Variants in PTGFR observed in about 807,000 individuals in gnomAD.
The protein encoded by PTGFR is prostaglandin F receptor.
In PTGFR, 15 loss-of-function variants were observed where a neutral mutation model predicts 26.2. The ratio of observed to expected loss-of-function variants is 0.57; its 90% confidence interval spans 0.38 to 0.88. The LOEUF is 0.88. Ranked by LOEUF, PTGFR falls within the 40% of genes least tolerant of loss-of-function variation. The probability of loss-of-function intolerance (pLI) is 0.00; values close to 1 mark genes in which losing one functional copy is unlikely to be tolerated. For synonymous variants in PTGFR, 165 were observed against 151.1 expected (o/e 1.09, Z -0.68); for missense variants, 369 against 427.2 (o/e 0.86, Z 1.20).
At chr1:78,513,196 A>G (rs557553567) in intron 2 of PTGFR, among the ~76,000 whole-genome samples, 16 of 152,286 alleles carry the variant, frequency 1.1e-4, no homozygotes, top group African/African-American at 3.8e-4. Context: ...GGTTGGAAGA[A>G]TTTGGAGGGC....
intron 2 of PTGFR, chr1:78,497,926 A>G (rs769148621): frequency 5.0e-6 from 8 of 1,590,684 alleles, no homozygotes; most frequent in Non-Finnish European, 6.9e-6. Flanking sequence ...TATGAAGAGC[A>G]AAGTGATTTC....
chr1:78,530,649 C>A (rs757743099), intron 2 of PTGFR, among the ~76,000 whole-genome samples: 1 of 152,166 alleles, frequency 6.6e-6, no homozygotes, highest in Non-Finnish European at 1.5e-5. Context: ...AGAGATAATA[C>A]TGCTTCTCTC....
chr1:78,511,775 A>C (rs906110881), intron 2 of PTGFR, among the ~76,000 whole-genome samples: 1 of 152,088 alleles, frequency 6.6e-6, no homozygotes, highest in African/African-American at 2.4e-5. Context: ...GATTTTTTCA[A>C]ATGTTTATCC....
At position 78,540,262 on chromosome 1, in the gene PTGFR, A is replaced by C. The variant is rs1362619760; in HGVS notation, c.*3575A>C. On this transcript the variant is annotated 3_prime_UTR_variant, in exon 3 of 3. Transcript: ENST00000370757. ...TTGCATACACTTCTCCAGCTAACAT[A>C]AATAATGTGGCTTTACTAACTTCCC... 6.6e-6 allele frequency among the ~76,000 whole-genome samples: 1 copy of C among 152,124 alleles called. No individual in the cohort carries two copies. Among genetic ancestry groups the C allele is most frequent in the Non-Finnish European group, 1.5e-5 (1 of 68,004 alleles).
At chr1:78,492,543 T>G (rs972016384) in intron 1 of PTGFR, 129 bp from the exon 2 acceptor site, 3 of 534,198 alleles carry the variant, frequency 5.6e-6, no homozygotes, top group Non-Finnish European at 9.7e-6. Context: ...CTGCTTTCAG[T>G]ATGATGCAAC....
At chr1:78,533,133 T>C (rs1650563777) in intron 2 of PTGFR, among the ~76,000 whole-genome samples, 1 of 152,156 alleles carries the variant, frequency 6.6e-6, no homozygotes, top group Non-Finnish European at 1.5e-5. Context: ...CCATTTTGTA[T>C]GAAAAGCAGT....
rs1650680758 is a variant in PTGFR, at chr1:78,537,305, C to A, written c.*618C>A. On this transcript the variant is annotated 3_prime_UTR_variant, in exon 3 of 3. Coordinates refer to ENST00000370757, the MANE Select transcript of PTGFR (RefSeq NM_000959.4). Reference sequence around the variant, plus strand: ...TTCTTGTCATATTTGACAAATAGGACTGCCTACATTTATTATTATGAAGGT... The same window carrying A: ...TTCTTGTCATATTTGACAAATAGGAATGCCTACATTTATTATTATGAAGGT... 6.6e-6 allele frequency: 1 copy of A among 152,114 alleles called. No individual in the cohort carries two copies. Among genetic ancestry groups the A allele is most frequent in the Non-Finnish European group, 1.5e-5 (1 of 68,000 alleles). The allele number at this position is 152,114 out of a possible 1,614,324, so 9.4% of individuals were successfully genotyped here.
chr1:78,532,777 C>T (rs1650553940), intron 2 of PTGFR, among the ~76,000 whole-genome samples: 2 of 151,350 alleles, frequency 1.3e-5, no homozygotes, highest in East Asian at 1.9e-4. Context: ...ACTGTAACTC[C>T]GTGTATATAT....
At chr1:78,532,774 C>T (rs1650553876) in intron 2 of PTGFR, among the ~76,000 whole-genome samples, 1 of 151,702 alleles carries the variant, frequency 6.6e-6, no homozygotes, top group East Asian at 1.9e-4. Context: ...GTCACTGTAA[C>T]TCCGTGTATA....
intron 1 of PTGFR, among the ~76,000 whole-genome samples, chr1:78,491,816 CG>C (rs1309557546): frequency 6.6e-6 from 1 of 152,160 alleles, no homozygotes; most frequent in Non-Finnish European, 1.5e-5. Context: ...GCTAGCTGCT[CG>C]GGAAACGCCA....
intron 2 of PTGFR, among the ~76,000 whole-genome samples, chr1:78,493,969 A>T (rs1557646131): frequency 6.6e-6 from 1 of 152,250 alleles, no homozygotes; most frequent in Non-Finnish European, 1.5e-5. Flanking sequence ...GCATGTAATG[A>T]CCAGAACTGC....
intron 2 of PTGFR, among the ~76,000 whole-genome samples, chr1:78,534,103 T>C (rs1027507754): frequency 6.6e-6 from 1 of 152,214 alleles, no homozygotes; most frequent in Non-Finnish European, 1.5e-5. Context: ...ACAACTGTAA[T>C]GTGCCAATGT....
chr1:78,537,842 CCAA>C lies in PTGFR; in HGVS notation c.*1156_*1158del, dbSNP rs1338949339. ...GAGATCAAGAGATAATAATCTCTCC[CCAA>C]ATTTTCCAATAATAATTGAGACTTT... On this transcript the variant is annotated 3_prime_UTR_variant, in exon 3 of 3. Transcript: ENST00000370757. 6.6e-6 allele frequency: 1 copy of C among 151,972 alleles called. No homozygotes were observed. Among genetic ancestry groups the C allele is most frequent in the Non-Finnish European group, 1.5e-5 (1 of 67,980 alleles). The allele number at this position is 151,972 out of a possible 1,614,324, so 9.4% of individuals were successfully genotyped here.
chr1:78,540,362 A>G lies in PTGFR; in HGVS notation c.*3675A>G, dbSNP rs939146604. ...TGTAGACAGCACTAATGATTTCCAC[A>G]TTAGGTAAAAAAAATTTTCATTCTT... On this transcript the variant is annotated 3_prime_UTR_variant, in exon 3 of 3. Coordinates refer to ENST00000370757, the MANE Select transcript of PTGFR (RefSeq NM_000959.4). Among the ~76,000 whole-genome samples the G allele has an allele frequency of 6.6e-6, 1 of 152,176 alleles. No homozygotes were observed. Among genetic ancestry groups the G allele is most frequent in the Non-Finnish European group, 1.5e-5 (1 of 68,016 alleles).
At chr1:78,522,299 G>C (rs1212212411) in intron 2 of PTGFR, among the ~76,000 whole-genome samples, 1 of 151,936 alleles carries the variant, frequency 6.6e-6, no homozygotes, top group African/African-American at 2.4e-5. Context: ...GCCTTTAAAG[G>C]GACTCATGTG....
intron 2 of PTGFR, among the ~76,000 whole-genome samples, chr1:78,517,413 C>G (rs1299620322): frequency 6.6e-6 from 1 of 151,928 alleles, no homozygotes; most frequent in African/African-American, 2.4e-5. Context: ...TAAATTTACA[C>G]GATGATTTTA....
At chr1:78,524,260 A>T (rs1394797291) in intron 2 of PTGFR, among the ~76,000 whole-genome samples, 2 of 151,994 alleles carry the variant, frequency 1.3e-5, no homozygotes, top group Admixed American at 1.3e-4. Flanking sequence ...GGGCTTGATG[A>T]GTTGGTTGGC....
chr1:78,500,708 A>G (rs528238150), intron 2 of PTGFR, among the ~76,000 whole-genome samples: 2 of 152,340 alleles, frequency 1.3e-5, no homozygotes, highest in Admixed American at 6.5e-5. Context: ...ACAACCTTCC[A>G]GAAGTCTATT....
At chr1:78,508,021 T>C (rs1244562499) in intron 2 of PTGFR, among the ~76,000 whole-genome samples, 6 of 152,200 alleles carry the variant, frequency 3.9e-5, no homozygotes, top group South Asian at 2.1e-4. Context: ...TAGTTACTTA[T>C]GGGATTATCT....
Sources: allele counts gnomAD v4.1 joint callset (sites outside exome capture counted in the v4.1 genomes callset), GRCh38; gene constraint gnomAD v4.1.1; transcripts MANE v1.5; gene names NCBI Gene and HGNC (gene_info 2026-07-23, HGNC 2026-07-21).